The following TMPRSS12 variants were observed in gnomAD, a reference collection of about 807,000 sequenced individuals.
TMPRSS12 encodes transmembrane protease serine 12.
In TMPRSS12, 25 loss-of-function variants were observed where a neutral mutation model predicts 26.0. The observed-to-expected ratio is 0.96, with a 90% confidence interval of 0.70 to 1.34. The LOEUF (loss-of-function observed/expected upper bound fraction) is 1.34, where lower values mean the gene tolerates loss of function less well. Ranked by LOEUF, TMPRSS12 falls within the 40% of genes most tolerant of loss-of-function variation. The probability of loss-of-function intolerance (pLI) is 0.00; values close to 1 mark genes in which losing one functional copy is unlikely to be tolerated. For synonymous variants in TMPRSS12, 150 were observed against 161.7 expected (o/e 0.93, Z 0.55); for missense variants, 441 against 440.1 (o/e 1.00, Z -0.02).
At chr12:50,852,503 C>T (rs1462475758) in intron 2 of TMPRSS12, among the ~76,000 whole-genome samples, 1 of 152,206 alleles carries the variant, frequency 6.6e-6, no homozygotes, top group Non-Finnish European at 1.5e-5. Flanking sequence ...CTCTGCCGCC[C>T]AGGTTCAAGC....
chr12:50,887,267 C>G lies in TMPRSS12; in HGVS notation c.801C>G (p.Asp267Glu). Reference protein sequence around the residue: ...EDGAFDTCRGDSGGPLMCYLP... With the variant: ...EDGAFDTCRGESGGPLMCYLP... ...TTTTGGGACTTTTTTGACAGGGTGACAGTGGGGGACCATTAATGTGCTACT... is the reference window on the plus strand; with the variant it reads ...TTTTGGGACTTTTTTGACAGGGTGAGAGTGGGGGACCATTAATGTGCTACT... The change falls in exon 5 of 5, where the codon GAC (aspartate) becomes GAG (glutamate). Residue 267 changes from aspartate (D) to glutamate (E), a missense_variant. Asp to Glu is a conservative substitution (Grantham distance 45). Coordinates refer to ENST00000398458, the MANE Select transcript of TMPRSS12 (RefSeq NM_182559.3). 1 of 1,612,914 alleles carries G rather than the reference C, an allele frequency of 6.2e-7. No homozygotes were observed. Among genetic ancestry groups the G allele is most frequent in the Non-Finnish European group, 8.5e-7 (1 of 1,179,392 alleles).
At chr12:50,859,441 C>T (rs1044940177) in intron 3 of TMPRSS12, among the ~76,000 whole-genome samples, 1 of 152,116 alleles carries the variant, frequency 6.6e-6, no homozygotes, top group Admixed American at 6.5e-5. Context: ...GTCTTGAACT[C>T]CCAACCTCAG....
chr12:50,844,182 A>G (rs1429964913), intron 2 of TMPRSS12, 145 bp downstream of exon 2: 11 of 511,356 alleles, frequency 2.2e-5, no homozygotes, highest in Non-Finnish European at 3.5e-5. Flanking sequence ...ATTTGTTGAA[A>G]GGAATCCTTT....
In TMPRSS12 at chr12:50,858,648, T is replaced by C. The variant is rs548393504; in HGVS notation, c.384-137T>C. On this transcript the variant is annotated intron_variant, in intron 2 of 4. Coordinates refer to ENST00000398458, the MANE Select transcript of TMPRSS12 (RefSeq NM_182559.3). ...TCCCTAGATCATGATATTTGTGTTA[T>C]TTGATATTTTATGTCACATGAAACT... The C allele has an allele frequency of 1.9e-4, 123 of 659,596 alleles. No individual in the cohort carries two copies. The South Asian group carries it at 2.4e-3, about 13-fold the overall frequency. The allele number at this position is 659,596 out of a possible 1,614,324, so 40.9% of individuals were successfully genotyped here. A position where few individuals can be genotyped will look rare whatever the true frequency, so the allele number is the denominator to read the frequency against.
intron 3 of TMPRSS12, among the ~76,000 whole-genome samples, chr12:50,872,278 C>T (rs1038596071): frequency 1.2e-4 from 18 of 151,788 alleles, no homozygotes; most frequent in African/African-American, 4.4e-4. Context: ...CTTTGGGAGG[C>T]CGAGGCGGGT....
chr12:50,854,658 A>G (rs1437253272), intron 2 of TMPRSS12, among the ~76,000 whole-genome samples: 2 of 152,348 alleles, frequency 1.3e-5, no homozygotes, highest in African/African-American at 2.4e-5. Flanking sequence ...CAGCATTTCT[A>G]TACACCAATG....
intron 3 of TMPRSS12, among the ~76,000 whole-genome samples, chr12:50,870,141 C>A (rs1484619592): frequency 6.6e-6 from 1 of 152,006 alleles, no homozygotes; most frequent in East Asian, 1.9e-4. Flanking sequence ...TTGCAGTGAG[C>A]CAAGATTGTG....
chr12:50,881,209 C>G (rs1304625128), intron 3 of TMPRSS12, among the ~76,000 whole-genome samples: 2 of 151,998 alleles, frequency 1.3e-5, no homozygotes, highest in South Asian at 4.2e-4. Flanking sequence ...TCTTGAACTC[C>G]TGACCTCAGG....
chr12:50,880,613 T>C (rs143467840), intron 3 of TMPRSS12, among the ~76,000 whole-genome samples: 2 of 150,126 alleles, frequency 1.3e-5, no homozygotes, highest in Non-Finnish European at 3.0e-5. Flanking sequence ...TTAAGCATAG[T>C]TACCATATGA....
chr12:50,854,821 A>T (rs1356640924), intron 2 of TMPRSS12, among the ~76,000 whole-genome samples: 2 of 152,222 alleles, frequency 1.3e-5, no homozygotes, highest in Non-Finnish European at 1.5e-5. Context: ...AGATGATAAA[A>T]ACAAATGGAG....
intron 1 of TMPRSS12, 112 bp downstream of exon 1, chr12:50,843,263 A>T (rs1443070851): frequency 9.9e-6 from 11 of 1,116,146 alleles, no homozygotes; most frequent in Admixed American, 3.1e-5. Flanking sequence ...CTTTAACCAA[A>T]ATTTTACATA....
chr12:50,856,675 T>G (rs1019334741), intron 2 of TMPRSS12, among the ~76,000 whole-genome samples: 68 of 152,286 alleles, frequency 4.5e-4, no homozygotes, highest in Non-Finnish European at 8.4e-4. Context: ...TTGTGGTTTT[T>G]TTGTTGTTGT....
Position 50,872,696 on chromosome 12 carries a change from AT to A in TMPRSS12, c.653-12549del, listed in dbSNP as rs143449029. 3.5e-3 allele frequency among the ~76,000 whole-genome samples: 248 copies of A among 70,028 alleles called. 50 individuals carry two copies. Among genetic ancestry groups the A allele is most frequent in the African/African-American group, 9.9e-3 (243 of 24,450 alleles). The allele number at this position is 70,028 out of a possible 152,430, so 45.9% of individuals were successfully genotyped here. ...ATATATGACGTATATGCACATATAT[AT>A]GACGTATATGTGTACATATATATGA... On this transcript the variant is annotated intron_variant, in intron 3 of 4. Transcript: ENST00000398458.
rs574760166 is a variant in TMPRSS12, at chr12:50,853,253, A to G, written c.384-5532A>G. 1.5e-3 allele frequency among the ~76,000 whole-genome samples: 229 copies of G among 152,320 alleles called. 2 individuals carry two copies. The highest frequency in any genetic ancestry group is 3.4e-3 in the Middle Eastern group (1 of 294). On this transcript the variant is annotated intron_variant, in intron 2 of 4. Transcript: ENST00000398458. ...CGGGTAAATGCTGAAATTAAGGTAGAAATCAAGAAATTCTTTGAAACTAAC... is the reference window on the plus strand; with the variant it reads ...CGGGTAAATGCTGAAATTAAGGTAGGAATCAAGAAATTCTTTGAAACTAAC...
rs1491262903 is a variant in TMPRSS12 at position 50,872,843 on chromosome 12, T to TA, written c.653-12402dup. On this transcript the variant is annotated intron_variant, in intron 3 of 4. Transcript: ENST00000398458. Reference sequence around the variant, plus strand: ...TATATATGTACATATATATGACGTCTATATATGTACATATATATGACTATA... The same window carrying TA: ...TATATATGTACATATATATGACGTCTAATATATGTACATATATATGACTATA... Among the ~76,000 whole-genome samples, 3 of 31,576 alleles carry TA rather than the reference T, an allele frequency of 9.5e-5. 1 individual carries two copies. The South Asian group carries it at 6.3e-3, about 67-fold the overall frequency. The allele number at this position is 31,576 out of a possible 152,430, so 20.7% of individuals were successfully genotyped here. A position where few individuals can be genotyped will look rare whatever the true frequency, so the allele number is the denominator to read the frequency against.
chr12:50,854,841 A>C (rs911721854), intron 2 of TMPRSS12, among the ~76,000 whole-genome samples: 21 of 152,246 alleles, frequency 1.4e-4, no homozygotes, highest in African/African-American at 5.1e-4. Context: ...GAAACATTCC[A>C]TGCTCATGGA....
chr12:50,844,196 T>A (rs2139717490), intron 2 of TMPRSS12, among the ~76,000 whole-genome samples, 159 bp downstream of exon 2: 1 of 131,884 alleles, frequency 7.6e-6, no homozygotes, highest in East Asian at 2.0e-4. Context: ...ATCCTTTATT[T>A]ATTATTATTA....
Position 50,858,978 on chromosome 12 carries a change from C to G in TMPRSS12, c.577C>G (p.Pro193Ala), listed in dbSNP as rs1193202169. The G allele has an allele frequency of 1.3e-6, 2 of 1,599,666 alleles. No individual in the cohort carries two copies. The highest frequency in any genetic ancestry group is 1.7e-6 in the Non-Finnish European group (2 of 1,172,846). The change falls in exon 3 of 5, where the codon CCT (proline) becomes GCT (alanine). Residue 193 changes from proline (P) to alanine (A), a missense_variant. Transcript: ENST00000398458. ...YNDYIQPICL[P>A]FDVFQILDGN... ...TGACTATATTCAGCCTATTTGCCTA[C>G]CTTTTGATGTTTTCCAAATCCTGGA...
At chr12:50,872,724 G>GTC (rs1938067325) in intron 3 of TMPRSS12, among the ~76,000 whole-genome samples, 1 of 94,826 alleles carries the variant, frequency 1.1e-5, no homozygotes, top group African/African-American at 4.1e-5. Context: ...TATATATGAC[G>GTC]TATATATGTA....
Sources: gnomAD v4.1 joint callset for allele counts (sites outside exome capture counted in the v4.1 genomes callset) on GRCh38, gnomAD v4.1.1 for gene constraint, MANE v1.5 for transcripts, NCBI Gene and HGNC (gene_info 2026-07-23, HGNC 2026-07-21) for gene names.